Variants in NR2F2 observed in about 807,000 individuals in gnomAD.
The protein encoded by NR2F2 is COUP transcription factor 2.
Under a neutral mutation model 34.8 loss-of-function variants are expected in NR2F2, and 2 were observed. The observed-to-expected ratio is 0.06, with a 90% CI of 0.02 to 0.18. The LOEUF (loss-of-function observed/expected upper bound fraction) is 0.18, where lower values mean the gene tolerates loss of function less well. Among genes scored for constraint, NR2F2 ranks in the 10% least tolerant of loss-of-function variants. The probability of loss-of-function intolerance (pLI) is 1.00; values close to 1 mark genes in which losing one functional copy is unlikely to be tolerated. For synonymous variants in NR2F2, 274 were observed against 251.8 expected (o/e 1.09, Z -0.84); for missense variants, 300 against 580.1 (o/e 0.52, Z 4.96).
chr15:96,332,653 C>G (rs1006257933), intron 1 of NR2F2, 106 bp downstream of exon 1: 1 of 1,478,624 alleles, frequency 6.8e-7, no homozygotes, highest in African/African-American at 1.4e-5. Context: ...CTCTTCTCTT[C>G]GTATTGCAGC....
rs1899377027 is a variant in NR2F2 at position 96,337,747 on chromosome 15, G to T, written c.*125G>T. 1.1e-6 allele frequency: 1 copy of T among 871,374 alleles called. No individual in the cohort carries two copies. The highest frequency in any genetic ancestry group is 1.7e-5 in the African/African-American group (1 of 58,208). 54.0% of individuals were successfully genotyped at this position (871,374 alleles called of 1,614,324 possible). The stretch of plus-strand genomic sequence containing the variant: ...GTTACAAGTTTGCTAAAAGAAGAGA[G>T]GGGAAGAATTTAATGGACTGTGAAT... On this transcript the variant is annotated 3_prime_UTR_variant, in exon 3 of 3. Coordinates refer to ENST00000394166, the MANE Select transcript of NR2F2 (RefSeq NM_021005.4).
chr15:96,337,243 C>T, intron 2 of NR2F2, 105 bp from the exon 3 acceptor site: 1 of 1,345,316 alleles, frequency 7.4e-7, no homozygotes, highest in South Asian at 1.4e-5. Flanking sequence ...GCACACACCT[C>T]ATGTGACCCA....
chr15:96,330,756 C>T lies in NR2F2; in HGVS notation c.-1350C>T. The T allele has an allele frequency of 2.6e-6, 2 of 780,188 alleles. No individual in the cohort carries two copies. The highest frequency in any genetic ancestry group is 3.2e-6 in the Non-Finnish European group (2 of 621,756). The allele number at this position is 780,188 out of a possible 1,614,324, so 48.3% of individuals were successfully genotyped here. A position where few individuals can be genotyped will look rare whatever the true frequency, so the allele number is the denominator to read the frequency against. On this transcript the variant is annotated 5_prime_UTR_variant, in exon 1 of 3. Coordinates refer to ENST00000394166, the MANE Select transcript of NR2F2 (RefSeq NM_021005.4). ...TAAATCGCATTCCCTCCCGCGCCCC[C>T]CTTTTTAGCATATTTGATCACTTTG...
rs984716212 is a variant in NR2F2 at position 96,330,903 on chromosome 15, T to C, written c.-1203T>C. The C allele has an allele frequency of 1.8e-6, 2 of 1,139,960 alleles. No individual in the cohort carries two copies. Among genetic ancestry groups the C allele is most frequent in the Non-Finnish European group, 1.1e-6 (1 of 927,794 alleles). The allele number at this position is 1,139,960 out of a possible 1,614,324, so 70.6% of individuals were successfully genotyped here. On this transcript the variant is annotated 5_prime_UTR_variant, in exon 1 of 3. Transcript: ENST00000394166. Reference sequence around the variant, plus strand: ...GGGTGCCGTACTGCCTTTTTTCCCCTCTTTCATTCTTTCTCTCCGTCTTTT... The same window carrying C: ...GGGTGCCGTACTGCCTTTTTTCCCCCCTTTCATTCTTTCTCTCCGTCTTTT...
intron 1 of NR2F2, 61 bp downstream of exon 1, chr15:96,332,608 C>T (rs1899178407): frequency 6.3e-7 from 1 of 1,575,690 alleles, no homozygotes; most frequent in African/African-American, 1.3e-5. Context: ...GTACGTTTGG[C>T]TAGCCTGCTC....
chr15:96,334,203 C>T lies in NR2F2; in HGVS notation c.570C>T (p.Pro190=). 1 of 1,614,220 alleles carries T rather than the reference C, an allele frequency of 6.2e-7. No homozygotes were observed. The highest frequency in any genetic ancestry group is 1.1e-5 in the South Asian group (1 of 91,090). ...TTTCCCTGCTGTTGCGCGCGGAGCC[C>T]TATCCCACGTCGCGCTTCGGCAGCC... ...GYISLLLRAE[P]YPTSRFGSQC... Residue 190 remains proline, a synonymous_variant, in exon 2 of 3, where the codon CCC becomes CCT. Coordinates refer to ENST00000394166, the MANE Select transcript of NR2F2 (RefSeq NM_021005.4).
rs746489672 is a variant in NR2F2 at position 96,334,107 on chromosome 15, G to A, written c.474G>A (p.Gln158=). Residue 158 remains glutamine (Q), a synonymous_variant, in exon 2 of 3, where the codon CAG becomes CAA. Transcript: ENST00000394166. The part of the protein sequence containing the change: ...AVQRGRMPPT[Q]PTHGQFALTN... ...AGAGGGGCAGGATGCCGCCGACCCA[G>A]CCGACCCACGGGCAGTTCGCGCTGA... The A allele has an allele frequency of 3.1e-6, 5 of 1,613,400 alleles. No homozygotes were observed. Among genetic ancestry groups the A allele is most frequent in the Non-Finnish European group, 3.4e-6 (4 of 1,179,960 alleles).
rs1381103214 is a variant in NR2F2, at chr15:96,332,309, C to G, written c.204C>G (p.Ser68Arg). ...AGGGCGGCCCTGGCGGCCCGGGTAG[C>G]GACAAGCAGCAGCAGCAGCAACACA... ...GGQGGPGGPGSDKQQQQQHIE... is the reference protein window; with the variant it reads ...GGQGGPGGPGRDKQQQQQHIE... Residue 68 changes from serine to arginine, a missense_variant, in exon 1 of 3, where the codon AGC becomes AGG. Around this residue, in one of 6 missense-constraint regions of NR2F2, gnomAD observed 105 missense variants for 107.8 expected, o/e 0.97. Coordinates refer to ENST00000394166, the MANE Select transcript of NR2F2 (RefSeq NM_021005.4). The G allele has an allele frequency of 6.3e-6, 10 of 1,584,604 alleles. No individual in the cohort carries two copies. Among genetic ancestry groups the G allele is most frequent in the Non-Finnish European group, 8.6e-6 (10 of 1,166,020 alleles).
In NR2F2 at chr15:96,330,912, C is replaced by T. The variant is rs1899116450; in HGVS notation, c.-1194C>T. The stretch of plus-strand genomic sequence containing the variant: ...ACTGCCTTTTTTCCCCTCTTTCATT[C>T]TTTCTCTCCGTCTTTTTCTCCCCCC... On this transcript the variant is annotated 5_prime_UTR_variant, in exon 1 of 3. Coordinates refer to ENST00000394166, the MANE Select transcript of NR2F2 (RefSeq NM_021005.4). 3 of 1,136,366 alleles carry T rather than the reference C, an allele frequency of 2.6e-6. No individual in the cohort carries two copies. The highest frequency in any genetic ancestry group is 4.3e-5 in the South Asian group (1 of 23,120). The allele number at this position is 1,136,366 out of a possible 1,614,324, so 70.4% of individuals were successfully genotyped here.
Position 96,331,125 on chromosome 15 carries a change from G to A in NR2F2, c.-981G>A, listed in dbSNP as rs1383052625. 2 of 1,161,160 alleles carry A rather than the reference G, an allele frequency of 1.7e-6. No homozygotes were observed. Among genetic ancestry groups the A allele is most frequent in the African/African-American group, 3.3e-5 (2 of 61,186 alleles). The allele number at this position is 1,161,160 out of a possible 1,614,324, so 71.9% of individuals were successfully genotyped here. A position where few individuals can be genotyped will look rare whatever the true frequency, so the allele number is the denominator to read the frequency against. On this transcript the variant is annotated 5_prime_UTR_variant, in exon 1 of 3. An upstream open reading frame in the 5' UTR loses its in-frame stop. Coordinates refer to ENST00000394166, the MANE Select transcript of NR2F2 (RefSeq NM_021005.4). The stretch of plus-strand genomic sequence containing the variant: ...GACTTCAGCGGCGGCGGCGGCGCTA[G>A]ACGCAGCGGCTCCGGGCCCGACCCG...
At chr15:96,327,869 T>G (rs1260461853), upstream of NR2F2, among the ~76,000 whole-genome samples, 1 of 152,228 alleles carries the variant, frequency 6.6e-6, no homozygotes, top group Non-Finnish European at 1.5e-5. Context: ...GCAAATGTTG[T>G]CCCAACTTTC....
upstream of NR2F2, chr15:96,326,432 C>T: frequency 8.1e-7 from 1 of 1,241,264 alleles, no homozygotes; most frequent in Non-Finnish European, 1.2e-6. This position sits in a 1 kb window ranked among gnomAD's most constrained non-coding sequence, Gnocchi z 5.5. Context: ...TTGGGGATGA[C>T]TTGGGGCTTT....
chr15:96,326,530 G>A (rs994555097), upstream of NR2F2, among the ~76,000 whole-genome samples: 1 of 151,372 alleles, frequency 6.6e-6, no homozygotes, highest in Non-Finnish European at 1.5e-5. This position sits in a 1 kb window ranked among gnomAD's most constrained non-coding sequence, Gnocchi z 5.5. Flanking sequence ...TCAATTCAAT[G>A]CATTGCCATA....
chr15:96,331,149 C>G lies in NR2F2; in HGVS notation c.-957C>G. 2.0e-6 allele frequency: 2 copies of G among 1,019,722 alleles called. No homozygotes were observed. The highest frequency in any genetic ancestry group is 2.4e-6 in the Non-Finnish European group (2 of 847,126). The allele number at this position is 1,019,722 out of a possible 1,614,324, so 63.2% of individuals were successfully genotyped here. A position where few individuals can be genotyped will look rare whatever the true frequency, so the allele number is the denominator to read the frequency against. On this transcript the variant is annotated 5_prime_UTR_variant, in exon 1 of 3. Coordinates refer to ENST00000394166, the MANE Select transcript of NR2F2 (RefSeq NM_021005.4). ...AGACGCAGCGGCTCCGGGCCCGACC[C>G]GGCGGCTTCGGCGGCGGCTCCGGCG...
At position 96,338,435 on chromosome 15, in the gene NR2F2, A is replaced by G. The variant is rs1451652077; in HGVS notation, c.*813A>G. On this transcript the variant is annotated 3_prime_UTR_variant, in exon 3 of 3. Coordinates refer to ENST00000394166, the MANE Select transcript of NR2F2 (RefSeq NM_021005.4). ...AGGAATGTGTCCAAGACACATGCTG[A>G]GGTTTTGAATAAAAAGTGAACTTTT... The G allele has an allele frequency of 2.0e-5, 3 of 152,650 alleles. No homozygotes were observed. Among genetic ancestry groups the G allele is most frequent in the Admixed American group, 6.5e-5 (1 of 15,284 alleles). The allele number at this position is 152,650 out of a possible 1,614,324, so 9.5% of individuals were successfully genotyped here.
chr15:96,332,594 C>T, intron 1 of NR2F2, 47 bp downstream of exon 1: 1 of 1,590,892 alleles, frequency 6.3e-7, no homozygotes, highest in Non-Finnish European at 8.6e-7. Flanking sequence ...TCCCGGGGTC[C>T]TGGGTACGTT....
At chr15:96,333,432 T>A (rs1363417504) in intron 1 of NR2F2, 1 of 1,002,506 alleles carries the variant, frequency 1.0e-6, no homozygotes, top group Non-Finnish European at 1.2e-6. Context: ...GCCGGCCGCC[T>A]GCTCCCTGCC....
chr15:96,326,495 G>T, upstream of NR2F2: 1 of 695,664 alleles, frequency 1.4e-6, no homozygotes, highest in South Asian at 1.7e-5. This position sits in a 1 kb window ranked among gnomAD's most constrained non-coding sequence, Gnocchi z 5.5. Flanking sequence ...GTGGTTTAAG[G>T]GGTTCGGGGA....
At chr15:96,336,531 A>T (rs1899332108) in intron 2 of NR2F2, among the ~76,000 whole-genome samples, 1 of 152,160 alleles carries the variant, frequency 6.6e-6, no homozygotes. Flanking sequence ...GTCAGGTCAC[A>T]ACCTGAACCG....
Sources: gnomAD v4.1 joint callset for allele counts (sites outside exome capture counted in the v4.1 genomes callset) on GRCh38, gnomAD v4.1.1 for gene constraint, gnomAD v4.1.1 regional missense constraint, Gnocchi (gnomAD v3.1) non-coding constraint, MANE v1.5 for transcripts, NCBI Gene and HGNC (gene_info 2026-07-23, HGNC 2026-07-21) for gene names.